OCM: variants seen among roughly 807,000 people sequenced by gnomAD.
OCM encodes the protein oncomodulin-1.
A neutral mutation model predicts 14.1 loss-of-function variants in OCM; 18 were observed. The ratio of observed to expected loss-of-function variants is 1.28; its 90% CI spans 0.88 to 1.89. The LOEUF (loss-of-function observed/expected upper bound fraction) is 1.89, where lower values mean the gene tolerates loss of function less well. Ranked by LOEUF, OCM falls within the 40% of genes most tolerant of loss-of-function variation. The pLI is 0.00. For synonymous variants in OCM, 48 were observed against 51.0 expected, an observed-to-expected ratio of 0.94 and a Z score of 0.25; for missense variants, 140 against 137.6, an observed-to-expected ratio of 1.02 and a Z score of -0.09.
chr7:5,868,981 T>C, the OCM span, among the ~76,000 whole-genome samples: 1 of 152,102 alleles, frequency 6.6e-6, no homozygotes, highest in East Asian at 1.9e-4. Flanking sequence ...GAGAATTGCT[T>C]GTACCCGGGA....
Position 5,882,556 on chromosome 7 carries a change from A to G in OCM, c.125A>G (p.Asn42Ser), listed in dbSNP as rs150764259. The G allele has an allele frequency of 1.5e-3, 2,401 of 1,614,128 alleles. 32 individuals carry two copies. The African/African-American group carries it at 0.027, about 18-fold the overall frequency. The change falls in exon 2 of 4, where the codon AAT becomes AGT. Residue 42 changes from asparagine (N) to serine (S), a missense_variant. Physicochemically the swap from Asn to Ser is conservative, Grantham distance 46. Coordinates refer to ENST00000242104, the MANE Select transcript of OCM (RefSeq NM_001097622.2). ...QTSGLSKMSA[N>S]QVKDVFRFID... Reference sequence around the variant, plus strand: ...TCAGGCCTCTCCAAGATGTCAGCCAATCAGGTGAAGGATGTTTTCCGGTTC... The same window carrying G: ...TCAGGCCTCTCCAAGATGTCAGCCAGTCAGGTGAAGGATGTTTTCCGGTTC...
the OCM span, among the ~76,000 whole-genome samples, chr7:5,868,641 G>GCA: frequency 6.6e-6 from 1 of 152,154 alleles, no homozygotes; most frequent in African/African-American, 2.4e-5. Context: ...GTCCTCTCCT[G>GCA]CAGCATTTCA....
chr7:5,871,214 G>A, the OCM span, among the ~76,000 whole-genome samples: 1 of 151,994 alleles, frequency 6.6e-6, no homozygotes, highest in Non-Finnish European at 1.5e-5. Context: ...AATTAGCTGG[G>A]TATGGCGGCG....
upstream of OCM, among the ~76,000 whole-genome samples, chr7:5,880,614 C>A (rs940967408): frequency 1.3e-5 from 2 of 151,930 alleles, no homozygotes; most frequent in African/African-American, 4.8e-5. Context: ...CAAAAATTAG[C>A]CAGGCATGGT....
upstream of OCM, among the ~76,000 whole-genome samples, chr7:5,876,930 C>T (rs1473576831): frequency 6.6e-6 from 1 of 152,004 alleles, no homozygotes; most frequent in Non-Finnish European, 1.5e-5. Context: ...CTCAGCCTCT[C>T]AAGTAGCCGA....
intron 3 of OCM, among the ~76,000 whole-genome samples, chr7:5,884,659 T>C (rs1781296840): frequency 6.6e-6 from 1 of 151,762 alleles, no homozygotes; most frequent in Non-Finnish European, 1.5e-5. Context: ...GAACATATGA[T>C]GGTCCTTCTG....
chr7:5,876,162 C>T (rs575852708), upstream of OCM, among the ~76,000 whole-genome samples: 6 of 152,218 alleles, frequency 3.9e-5, no homozygotes, highest in South Asian at 1.0e-3. Context: ...TGCACCACCA[C>T]GCCGGGTTAA....
intron 2 of OCM, among the ~76,000 whole-genome samples, chr7:5,883,184 C>G (rs570428777): frequency 6.6e-6 from 1 of 152,124 alleles, no homozygotes; most frequent in African/African-American, 2.4e-5. Flanking sequence ...GGCAAATGGA[C>G]TTTAAAAAAC....
chr7:5,883,006 C>T (rs1315224584), intron 2 of OCM, among the ~76,000 whole-genome samples: 1 of 151,990 alleles, frequency 6.6e-6, no homozygotes, highest in African/African-American at 2.4e-5. Context: ...CCACATCCAG[C>T]TCATTTTCAT....
At chr7:5,878,629 C>T (rs1372695056), upstream of OCM, among the ~76,000 whole-genome samples, 1 of 151,252 alleles carries the variant, frequency 6.6e-6, no homozygotes, top group Non-Finnish European at 1.5e-5. Context: ...CGCCTGCAGT[C>T]CCAGCTGCTC....
At chr7:5,867,004 C>T in the OCM span, among the ~76,000 whole-genome samples, 16 of 152,164 alleles carry the variant, frequency 1.1e-4, no homozygotes, top group African/African-American at 3.9e-4. Flanking sequence ...ATTAAGTAGA[C>T]TTGTAGACTA....
intron 1 of OCM, among the ~76,000 whole-genome samples, chr7:5,881,938 T>A (rs1342893121): frequency 6.6e-6 from 1 of 151,136 alleles, no homozygotes; most frequent in Non-Finnish European, 1.5e-5. Context: ...AATACAAAAA[T>A]GAGCTGGGCA....
the OCM span, among the ~76,000 whole-genome samples, chr7:5,865,618 C>G: frequency 1.3e-5 from 2 of 152,088 alleles, no homozygotes; most frequent in African/African-American, 2.4e-5. Flanking sequence ...ATTACAGTTG[C>G]AATAATGCAA....
chr7:5,870,127 A>G, the OCM span, among the ~76,000 whole-genome samples: 1 of 128,948 alleles, frequency 7.8e-6, no homozygotes, highest in Admixed American at 7.7e-5. Context: ...ATTTTATAAT[A>G]AATAATAAAA....
At chr7:5,865,902 T>C in the OCM span, among the ~76,000 whole-genome samples, 1 of 152,218 alleles carries the variant, frequency 6.6e-6, no homozygotes, top group Non-Finnish European at 1.5e-5. Context: ...GTAGGTCAAA[T>C]ATGCCGCACT....
the OCM span, chr7:5,871,814 C>T: frequency 6.6e-6 from 1 of 152,004 alleles, no homozygotes; most frequent in Non-Finnish European, 1.5e-5. Flanking sequence ...AAGCATAATC[C>T]CACTACTGAT....
the OCM span, among the ~76,000 whole-genome samples, chr7:5,862,207 A>G: frequency 6.6e-6 from 1 of 152,216 alleles, no homozygotes; most frequent in Non-Finnish European, 1.5e-5. Flanking sequence ...GTAAATTCTC[A>G]GGACCCCAAA....
chr7:5,860,124 C>T, the OCM span, among the ~76,000 whole-genome samples: 6 of 151,806 alleles, frequency 4.0e-5, no homozygotes, highest in African/African-American at 1.5e-4. Context: ...GACCCTGGAG[C>T]GAGAGATGCC....
At chr7:5,863,070 C>T in the OCM span, among the ~76,000 whole-genome samples, 1 of 152,130 alleles carries the variant, frequency 6.6e-6, no homozygotes, top group South Asian at 2.1e-4. Flanking sequence ...ATTTACTTTA[C>T]CTTATGTAAA....
Sources: gnomAD v4.1 joint callset for allele counts (sites outside exome capture counted in the v4.1 genomes callset) on GRCh38, gnomAD v4.1.1 for gene constraint, MANE v1.5 for transcripts, NCBI Gene and HGNC (gene_info 2026-07-23, HGNC 2026-07-21) for gene names.